SHISA5: variants seen among roughly 807,000 people sequenced by gnomAD.
SHISA5 encodes the protein shisa family member 5, also known as protein shisa-5.
Under a neutral mutation model 27.5 loss-of-function variants are expected in SHISA5, and 21 were observed. The observed-to-expected ratio is 0.76, with a 90% confidence interval of 0.54 to 1.10. The LOEUF is 1.10. SHISA5 is among the 50% of genes least tolerant of loss of function. SHISA5 has a pLI of 0.00. For missense variants in SHISA5, 314 were observed against 336.3 expected (o/e 0.93, Z 0.52); for synonymous variants, 137 against 142.2 (o/e 0.96, Z 0.26).
chr3:48,496,520 C>A (rs1033570030), intron 2 of SHISA5, among the ~76,000 whole-genome samples: 2 of 151,852 alleles, frequency 1.3e-5, no homozygotes, highest in Non-Finnish European at 2.9e-5. Context: ...CACCTGAGGT[C>A]GGGAGCTCGA....
intron 2 of SHISA5, among the ~76,000 whole-genome samples, chr3:48,497,588 G>T (rs1446433102): frequency 6.6e-6 from 1 of 151,626 alleles, no homozygotes; most frequent in Non-Finnish European, 1.5e-5. Context: ...AAAAGCAATC[G>T]GAGGGTTAAA....
rs1431843811 is a variant in SHISA5 at position 48,469,710 on chromosome 3, C to A, written c.430+18G>T. On this transcript the variant is annotated intron_variant, in intron 4 of 5. Coordinates refer to ENST00000296444, the MANE Select transcript of SHISA5 (RefSeq NM_016479.6). The surrounding 1 kb of genome is among the most constrained non-coding windows in gnomAD (Gnocchi z 4.6). ...ACCACCCCAGGGGGTCACAGTGGGG[C>A]AGGGTGGGCACGCTTACGACGTGGT... 6.2e-7 allele frequency: 1 copy of A among 1,613,366 alleles called. No homozygotes were observed. Among genetic ancestry groups the A allele is most frequent in the Non-Finnish European group, 8.5e-7 (1 of 1,179,684 alleles).
chr3:48,468,756 GAGA>G lies in SHISA5; in HGVS notation c.*348_*350del, dbSNP rs1467887612. ...TACTTGGTCACCCTAGGGTAAGCTG[GAGA>G]AGAACTCCAGATGTGCCCTGGAGAG... On this transcript the variant is annotated 3_prime_UTR_variant, in exon 6 of 6. Coordinates refer to ENST00000296444, the MANE Select transcript of SHISA5 (RefSeq NM_016479.6). 11 of 1,371,292 alleles carry G rather than the reference GAGA, an allele frequency of 8.0e-6. No individual in the cohort carries two copies. The highest frequency in any genetic ancestry group is 1.5e-5 in the African/African-American group (1 of 68,844). The allele number at this position is 1,371,292 out of a possible 1,614,324, so 84.9% of individuals were successfully genotyped here. A position where few individuals can be genotyped will look rare whatever the true frequency, so the allele number is the denominator to read the frequency against.
At chr3:48,497,261 A>ATT in intron 2 of SHISA5, among the ~76,000 whole-genome samples, 1 of 130,132 alleles carries the variant, frequency 7.7e-6, no homozygotes, top group African/African-American at 3.4e-5. Context: ...TTCCAGAACA[A>ATT]GTTTTTTTTT....
chr3:48,503,175 C>A, intron 1 of SHISA5: 1 of 1,289,828 alleles, frequency 7.8e-7, no homozygotes, highest in African/African-American at 1.5e-5. Context: ...ACAGCCCAAT[C>A]TGAGCCTCTG....
rs1267219017 is a variant in SHISA5, at chr3:48,501,299, G to A, written c.77-6C>T. 1 of 1,613,176 alleles carries A rather than the reference G, an allele frequency of 6.2e-7. No homozygotes were observed. Among genetic ancestry groups the A allele is most frequent in the African/African-American group, 1.3e-5 (1 of 75,048 alleles). ...CATACACACCTCACCACGTGCTGGAGAGGAGAAACACATCTGTTCACCTGT... is the reference window on the plus strand; with the variant it reads ...CATACACACCTCACCACGTGCTGGAAAGGAGAAACACATCTGTTCACCTGT... On this transcript the variant is annotated splice_region_variant and splice_polypyrimidine_tract_variant and intron_variant, in intron 1 of 5. Coordinates refer to ENST00000296444, the MANE Select transcript of SHISA5 (RefSeq NM_016479.6).
intron 2 of SHISA5, among the ~76,000 whole-genome samples, chr3:48,500,773 G>C (rs1223875912): frequency 6.6e-6 from 1 of 152,152 alleles, no homozygotes; most frequent in African/African-American, 2.4e-5. Context: ...ACCCCTCAGG[G>C]GCATGCGCAT....
chr3:48,469,265 A>C lies in SHISA5; in HGVS notation c.644-79T>G. The stretch of plus-strand genomic sequence containing the variant: ...GTGGCAGGCAAGCAGAAAGGGGCAG[A>C]GGCCTGTTGAGTGATGTAGTTTGGG... On this transcript the variant is annotated intron_variant, in intron 5 of 5. Coordinates refer to ENST00000296444, the MANE Select transcript of SHISA5 (RefSeq NM_016479.6). The surrounding 1 kb of genome is among the most constrained non-coding windows in gnomAD (Gnocchi z 4.6). 1 of 1,580,174 alleles carries C rather than the reference A, an allele frequency of 6.3e-7. No homozygotes were observed. Among genetic ancestry groups the C allele is most frequent in the Non-Finnish European group, 8.6e-7 (1 of 1,163,824 alleles).
intron 2 of SHISA5, among the ~76,000 whole-genome samples, chr3:48,498,439 C>A (rs1157860833): frequency 1.3e-5 from 2 of 152,180 alleles, no homozygotes; most frequent in Non-Finnish European, 2.9e-5. Flanking sequence ...GTAATTCTAG[C>A]ACTTTGGGAG....
At chr3:48,503,313 T>A in intron 1 of SHISA5, 1 of 529,320 alleles carries the variant, frequency 1.9e-6, no homozygotes, top group Non-Finnish European at 3.3e-6. Flanking sequence ...AGTGGGCGGA[T>A]TCTGGGCACA....
intron 1 of SHISA5, chr3:48,503,653 G>A: frequency 9.9e-7 from 1 of 1,012,574 alleles, no homozygotes; most frequent in Non-Finnish European, 1.2e-6. Context: ...AAGAGGGAAG[G>A]CCTCTGATGG....
chr3:48,495,393 C>CA (rs1247892664), intron 2 of SHISA5, among the ~76,000 whole-genome samples: 2,783 of 86,468 alleles, frequency 0.032, 295 homozygotes, highest in African/African-American at 0.1. Flanking sequence ...TGAAGTGGCT[C>CA]AAAAAAAAAA....
At chr3:48,485,567 T>G (rs1262405793) in intron 2 of SHISA5, among the ~76,000 whole-genome samples, 1 of 144,652 alleles carries the variant, frequency 6.9e-6, no homozygotes, top group Non-Finnish European at 1.5e-5. Context: ...TTATATATAA[T>G]ATATATTCTA....
At chr3:48,497,263 T>G (rs1156586982) in intron 2 of SHISA5, among the ~76,000 whole-genome samples, 1 of 104,630 alleles carries the variant, frequency 9.6e-6, no homozygotes, top group Non-Finnish European at 1.7e-5. Flanking sequence ...CCAGAACAAG[T>G]TTTTTTTTTT....
intron 1 of SHISA5, chr3:48,503,260 C>G (rs1356541105): frequency 1.5e-5 from 16 of 1,040,486 alleles, no homozygotes; most frequent in Non-Finnish European, 2.1e-5. Context: ...ACCCCCAGAC[C>G]TCACTGAATC....
chr3:48,480,182 C>T (rs1426953709), intron 2 of SHISA5, among the ~76,000 whole-genome samples: 2 of 151,968 alleles, frequency 1.3e-5, no homozygotes, highest in African/African-American at 4.8e-5. Flanking sequence ...GGATTACAGG[C>T]GTGAGCCACC....
At chr3:48,490,804 G>C (rs1352496810) in intron 2 of SHISA5, among the ~76,000 whole-genome samples, 1 of 152,132 alleles carries the variant, frequency 6.6e-6, no homozygotes, top group African/African-American at 2.4e-5. Flanking sequence ...CATCTGTAAA[G>C]AATCTCTATT....
chr3:48,486,433 T>TA (rs1158284539), intron 2 of SHISA5, among the ~76,000 whole-genome samples: 4 of 102,272 alleles, frequency 3.9e-5, no homozygotes, highest in Non-Finnish European at 7.0e-5. Context: ...ATATATTTTA[T>TA]ATATTTATAA....
chr3:48,488,931 T>C (rs1355843149), intron 2 of SHISA5, among the ~76,000 whole-genome samples: 1 of 152,026 alleles, frequency 6.6e-6, no homozygotes. Context: ...CTATCCATAC[T>C]GTAAATACTA....
Sources: gnomAD v4.1 joint callset for allele counts (sites outside exome capture counted in the v4.1 genomes callset) on GRCh38, gnomAD v4.1.1 for gene constraint, Gnocchi (gnomAD v3.1) non-coding constraint, MANE v1.5 for transcripts, NCBI Gene and HGNC (gene_info 2026-07-23, HGNC 2026-07-21) for gene names.